ACSL5: variants seen among roughly 807,000 people sequenced by gnomAD.
ACSL5 encodes acyl-CoA synthetase long chain family member 5.
Under a neutral mutation model 84.9 loss-of-function variants are expected in ACSL5, and 50 were observed. The ratio of observed to expected loss-of-function variants is 0.59; its 90% CI spans 0.47 to 0.75. The LOEUF is 0.75. ACSL5 is among the 30% of genes least tolerant of loss of function. The pLI, the probability that ACSL5 is intolerant of heterozygous loss-of-function variation, is 0.00. For missense variants in ACSL5, 775 were observed against 830.4 expected, an observed-to-expected ratio of 0.93 and a Z score of 0.82; for synonymous variants, 280 against 300.7, an observed-to-expected ratio of 0.93 and a Z score of 0.71.
chr10:112,389,957 A>G (rs752924687), intron 1 of ACSL5, among the ~76,000 whole-genome samples: 2 of 152,164 alleles, frequency 1.3e-5, no homozygotes, highest in Non-Finnish European at 2.9e-5. Flanking sequence ...CACCAGGCAC[A>G]GTGGCTCACG....
intron 2 of ACSL5, among the ~76,000 whole-genome samples, chr10:112,397,389 C>T (rs762690727): frequency 2.0e-5 from 3 of 152,028 alleles, no homozygotes; most frequent in South Asian, 2.1e-4. Context: ...AGGTTGGTCT[C>T]GAACTCCTGA....
chr10:112,412,090 A>T, intron 11 of ACSL5, 111 bp downstream of exon 11: 2 of 1,153,276 alleles, frequency 1.7e-6, no homozygotes, highest in Non-Finnish European at 2.6e-6. Context: ...CCGGTGTGAG[A>T]GGTGCAGGCA....
chr10:112,422,546 G>T, intron 17 of ACSL5, 105 bp downstream of exon 17: 5 of 1,049,004 alleles, frequency 4.8e-6, no homozygotes, highest in Non-Finnish European at 5.7e-6. Flanking sequence ...ATCAGCTGAG[G>T]CAGCTGGAGG....
At chr10:112,418,050 T>C in intron 14 of ACSL5, 109 bp downstream of exon 14, 1 of 845,302 alleles carries the variant, frequency 1.2e-6, no homozygotes, top group Non-Finnish European at 1.8e-6. Context: ...GAAAGTCACC[T>C]AAATTCTCAA....
At chr10:112,388,946 T>G (rs1849506278) in intron 1 of ACSL5, among the ~76,000 whole-genome samples, 1 of 151,912 alleles carries the variant, frequency 6.6e-6, no homozygotes, top group African/African-American at 2.4e-5. Context: ...AGGGTTTGAG[T>G]GGGATATATA....
At chr10:112,422,584 A>G in intron 17 of ACSL5, 143 bp downstream of exon 17, 1 of 722,102 alleles carries the variant, frequency 1.4e-6, no homozygotes, top group Admixed American at 2.5e-5. Flanking sequence ...TACCTGGCTT[A>G]TGACTTCCTC....
Position 112,422,008 on chromosome 10 carries a change from C to T in ACSL5, c.1449C>T (p.Asn483=). Residue 483 remains asparagine (N), a synonymous_variant, in exon 16 of 21, where the codon AAC becomes AAT. Transcript: ENST00000354655. ...AGCTGGAAGATGTGGCTGACATGAACTACTTTACAGTGAATAATGAAGGAG... is the reference window on the plus strand; with the variant it reads ...AGCTGGAAGATGTGGCTGACATGAATTACTTTACAGTGAATAATGAAGGAG... ...YVKLEDVADM[N]YFTVNNEGEV... 1.2e-6 allele frequency: 2 copies of T among 1,614,216 alleles called. No homozygotes were observed. The highest frequency in any genetic ancestry group is 1.7e-6 in the Non-Finnish European group (2 of 1,180,038).
At chr10:112,382,169 G>A (rs527552882) in intron 1 of ACSL5, among the ~76,000 whole-genome samples, 193 of 152,310 alleles carry the variant, frequency 1.3e-3, no homozygotes, top group African/African-American at 4.4e-3. Flanking sequence ...GAGGGAACCC[G>A]CCCTCACTTA....
intron 7 of ACSL5, 120 bp from the exon 8 acceptor site, chr10:112,410,343 G>A: frequency 6.4e-7 from 1 of 1,562,132 alleles, no homozygotes; most frequent in Non-Finnish European, 8.7e-7. Context: ...GATCCAGGTT[G>A]GAATTTTGCT....
chr10:112,377,651 CTG>C (rs1849267213), intron 1 of ACSL5, among the ~76,000 whole-genome samples: 1 of 152,206 alleles, frequency 6.6e-6, no homozygotes, highest in African/African-American at 2.4e-5. Context: ...TGGAGTCACT[CTG>C]TGGTAGTCCC....
In ACSL5 at chr10:112,417,863, G is replaced by C. The variant is rs368563127; in HGVS notation, c.1236G>C (p.Arg412Ser). 9.3e-6 allele frequency: 15 copies of C among 1,613,830 alleles called. No individual in the cohort carries two copies. The African/African-American group carries it at 9.3e-5, about 10-fold the overall frequency. ...CTGAACAGGACAGCCTGGGCGGAAG[G>C]GTTCGTGTAATTGTCACTGGAGCTG... ...FAKIQDSLGG[R>S]VRVIVTGAAP... Residue 412 changes from arginine to serine, a missense_variant, in exon 14 of 21, where the codon AGG becomes AGC. Transcript: ENST00000354655.
chr10:112,426,991 C>T (rs989170635), intron 20 of ACSL5, 132 bp downstream of exon 20: 3 of 924,210 alleles, frequency 3.2e-6, no homozygotes, highest in Non-Finnish European at 5.0e-6. Flanking sequence ...TACAAAATGA[C>T]CTTTTGTAGT....
At chr10:112,412,411 GT>G (rs1844198687) in intron 11 of ACSL5, 1 of 166,154 alleles carries the variant, frequency 6.0e-6, no homozygotes, top group Admixed American at 5.8e-5. Context: ...GGTGTGAGAT[GT>G]CCCCCGCGCC....
At position 112,426,345 on chromosome 10, in the gene ACSL5, CTG is replaced by C; in HGVS notation, c.1828_1829del (p.Cys610ProfsTer23). The stretch of plus-strand genomic sequence containing the variant: ...TGGGGTGAAGGGCTCCTTTGAGGAA[CTG>C]TGCCAAAACCAAGTAAGTCTTGCCT... The part of the protein sequence containing the change: ...KLGVKGSFEE[L>X]CQNQVVREAI... On this transcript the variant is annotated frameshift_variant, in exon 19 of 21. Transcript: ENST00000354655. LOFTEE classifies it high-confidence loss of function. 1 of 1,614,034 alleles carries C rather than the reference CTG, an allele frequency of 6.2e-7. No individual in the cohort carries two copies. The highest frequency in any genetic ancestry group is 8.5e-7 in the Non-Finnish European group (1 of 1,179,956).
intron 12 of ACSL5, among the ~76,000 whole-genome samples, chr10:112,416,045 A>G (rs1299847126): frequency 1.3e-5 from 2 of 152,184 alleles, no homozygotes; most frequent in East Asian, 3.9e-4. Context: ...GTAGGAAGGT[A>G]GGAAACTCTG....
intron 12 of ACSL5, 40 bp downstream of exon 12, chr10:112,413,347 C>T (rs764813643): frequency 1.9e-6 from 3 of 1,610,836 alleles, no homozygotes; most frequent in African/African-American, 1.3e-5. Context: ...GTGACTTGGG[C>T]CTGCACGAAG....
chr10:112,392,456 A>G (rs545434245), intron 1 of ACSL5, among the ~76,000 whole-genome samples: 1 of 119,702 alleles, frequency 8.4e-6, no homozygotes, highest in East Asian at 3.4e-4. Flanking sequence ...AAAATTAAAG[A>G]ATTGGCCAGG....
rs1262452236 is a variant in ACSL5, at chr10:112,427,769, TCTA to T, written c.*414_*416del. The T allele has an allele frequency of 6.5e-6, 1 of 154,258 alleles. No homozygotes were observed. Among genetic ancestry groups the T allele is most frequent in the Non-Finnish European group, 1.4e-5 (1 of 69,518 alleles). 9.6% of individuals were successfully genotyped at this position (154,258 alleles called of 1,614,324 possible). ...ACAGTCTCTATGCTTATTTACATCTTCTACTGTTCAAACTAAGAGATTTTTAAA... is the reference window on the plus strand; with the variant it reads ...ACAGTCTCTATGCTTATTTACATCTTCTGTTCAAACTAAGAGATTTTTAAA... On this transcript the variant is annotated 3_prime_UTR_variant, in exon 21 of 21. Coordinates refer to ENST00000354655, the MANE Select transcript of ACSL5 (RefSeq NM_203379.2).
chr10:112,408,457 T>C lies in ACSL5; in HGVS notation c.468T>C (p.Ser156=). ...CCGAATTGGCTTGTTACACGTACTC[T>C]ATGGTAGCTGTACCTCTGTATGACA... ...IISELACYTY[S]MVAVPLYDTL... Residue 156 remains serine, a synonymous_variant, in exon 6 of 21, where the codon TCT becomes TCC. Transcript: ENST00000354655. The C allele has an allele frequency of 6.2e-7, 1 of 1,613,838 alleles. No homozygotes were observed. The highest frequency in any genetic ancestry group is 8.5e-7 in the Non-Finnish European group (1 of 1,179,700).
Sources: gnomAD v4.1 joint callset for allele counts (sites outside exome capture counted in the v4.1 genomes callset) on GRCh38, gnomAD v4.1.1 for gene constraint, MANE v1.5 for transcripts, NCBI Gene and HGNC (gene_info 2026-07-23, HGNC 2026-07-21) for gene names.